ANO6: variants seen among roughly 807,000 people sequenced by gnomAD.
ANO6 encodes the protein anoctamin-6.
In ANO6, 106 loss-of-function variants were observed where a neutral mutation model predicts 117.5. The observed-to-expected ratio is 0.90, with a 90% CI of 0.77 to 1.06. The LOEUF (loss-of-function observed/expected upper bound fraction) is 1.06. Among genes scored for constraint, ANO6 ranks in the 50% least tolerant of loss-of-function variants. ANO6 has a pLI of 0.00. For synonymous variants in ANO6, 367 were observed against 385.1 expected, an observed-to-expected ratio of 0.95 and a Z score of 0.55; for missense variants, 955 against 1,121.1, an observed-to-expected ratio of 0.85 and a Z score of 2.12.
At chr12:45,265,928 A>T (rs548911229) in intron 1 of ANO6, among the ~76,000 whole-genome samples, 1 of 152,234 alleles carries the variant, frequency 6.6e-6, no homozygotes, top group Admixed American at 6.5e-5. Flanking sequence ...CACTGTTAGG[A>T]TCTTAGGGAC....
intron 1 of ANO6, among the ~76,000 whole-genome samples, chr12:45,257,242 A>C (rs1937866774): frequency 6.6e-6 from 1 of 151,982 alleles, no homozygotes; most frequent in African/African-American, 2.4e-5. Flanking sequence ...TCTCATTCAC[A>C]CTTGCAGTTT....
At chr12:45,386,890 T>A (rs7302635) in intron 10 of ANO6, among the ~76,000 whole-genome samples, 12,139 of 152,290 alleles carry the variant, frequency 0.08, 774 homozygotes, top group African/African-American at 0.17. Flanking sequence ...GACTCATCAC[T>A]GTGGTCCCCT....
intron 6 of ANO6, 149 bp downstream of exon 6, chr12:45,348,780 A>G (rs1478518037): frequency 1.4e-6 from 1 of 707,478 alleles, no homozygotes; most frequent in African/African-American, 1.8e-5. Flanking sequence ...TAGGGTAAGA[A>G]CTAGGTCTTT....
chr12:45,238,460 GT>G (rs139840310), intron 1 of ANO6, among the ~76,000 whole-genome samples: 2,849 of 152,070 alleles, frequency 0.019, 53 homozygotes, highest in East Asian at 0.068. Context: ...TGATGGTAGG[GT>G]TTTCTAAATA....
At chr12:45,354,985 A>G (rs1268731988) in intron 7 of ANO6, among the ~76,000 whole-genome samples, 1 of 152,120 alleles carries the variant, frequency 6.6e-6, no homozygotes, top group African/African-American at 2.4e-5. Context: ...AAAAATCAAT[A>G]AACAGCACTT....
At chr12:45,377,265 T>C (rs1354165750) in intron 9 of ANO6, among the ~76,000 whole-genome samples, 1 of 152,244 alleles carries the variant, frequency 6.6e-6, no homozygotes, top group East Asian at 1.9e-4. Flanking sequence ...TTTTAGGAAA[T>C]GTAAAAATGC....
intron 1 of ANO6, among the ~76,000 whole-genome samples, chr12:45,247,207 G>A (rs144236932): frequency 4.6e-5 from 7 of 152,276 alleles, no homozygotes; most frequent in African/African-American, 1.4e-4. Flanking sequence ...AATTACAGGC[G>A]TGAGCCACCA....
At chr12:45,345,685 A>G (rs1178451830) in intron 3 of ANO6, among the ~76,000 whole-genome samples, 3 of 152,198 alleles carry the variant, frequency 2.0e-5, no homozygotes, top group Non-Finnish European at 2.9e-5. Flanking sequence ...TCTTAGTTCT[A>G]CAGATGAAGA....
At chr12:45,420,946 A>AC in intron 17 of ANO6, 125 bp from the exon 18 acceptor site, 1 of 1,028,338 alleles carries the variant, frequency 9.7e-7, no homozygotes, top group Admixed American at 1.9e-5. Flanking sequence ...AATTTTTTGA[A>AC]CCCAAGAGGT....
intron 1 of ANO6, among the ~76,000 whole-genome samples, chr12:45,266,497 A>G (rs1938220051): frequency 6.6e-6 from 1 of 152,130 alleles, no homozygotes; most frequent in Admixed American, 6.5e-5. Context: ...TCTTTTTTTA[A>G]AAAATTGAAT....
chr12:45,227,399 C>T (rs888518778), intron 1 of ANO6, among the ~76,000 whole-genome samples: 2 of 152,196 alleles, frequency 1.3e-5, no homozygotes, highest in Non-Finnish European at 2.9e-5. Flanking sequence ...GTCTTACGGT[C>T]AGATGACCTC....
At chr12:45,352,865 T>A (rs1941317848) in intron 7 of ANO6, among the ~76,000 whole-genome samples, 1 of 152,132 alleles carries the variant, frequency 6.6e-6, no homozygotes, top group Non-Finnish European at 1.5e-5. Flanking sequence ...TAATACAATC[T>A]CTCAAATTTC....
intron 1 of ANO6, among the ~76,000 whole-genome samples, chr12:45,225,128 C>T (rs1316293913): frequency 1.4e-5 from 2 of 146,736 alleles, no homozygotes; most frequent in African/African-American, 2.6e-5. Flanking sequence ...GCCAAGGCTG[C>T]AGTGAGCTGT....
intron 1 of ANO6, among the ~76,000 whole-genome samples, chr12:45,219,246 A>C (rs1947360612): frequency 6.6e-6 from 1 of 152,146 alleles, no homozygotes; most frequent in Non-Finnish European, 1.5e-5. Context: ...TGCTTTATGT[A>C]TGTATATGGA....
At chr12:45,415,287 T>C (rs1943186856) in intron 16 of ANO6, among the ~76,000 whole-genome samples, 1 of 152,228 alleles carries the variant, frequency 6.6e-6, no homozygotes, top group Admixed American at 6.5e-5. Context: ...AAATAGTTTA[T>C]GCTTTTGTTG....
intron 1 of ANO6, among the ~76,000 whole-genome samples, chr12:45,264,456 T>A (rs1221539204): frequency 6.6e-6 from 1 of 152,228 alleles, no homozygotes; most frequent in Non-Finnish European, 1.5e-5. Flanking sequence ...TATGTCTTAT[T>A]TAGTCCCTTT....
chr12:45,387,576 T>G (rs1942332540), intron 10 of ANO6, among the ~76,000 whole-genome samples: 1 of 152,246 alleles, frequency 6.6e-6, no homozygotes, highest in Non-Finnish European at 1.5e-5. Flanking sequence ...TCACATTGCC[T>G]TTCCCAGCAT....
intron 19 of ANO6, among the ~76,000 whole-genome samples, chr12:45,424,847 T>A (rs761027929): frequency 1.6e-4 from 25 of 152,150 alleles, no homozygotes; most frequent in Non-Finnish European, 2.5e-4. Context: ...TAGAAAGAAG[T>A]GTGTATCTTC....
At chr12:45,301,270 T>C (rs1022549364) in intron 1 of ANO6, among the ~76,000 whole-genome samples, 5 of 152,060 alleles carry the variant, frequency 3.3e-5, no homozygotes, top group African/African-American at 1.2e-4. Flanking sequence ...TACTAGTAAA[T>C]TCTATCTGGC....
Sources: allele counts gnomAD v4.1 joint callset (sites outside exome capture counted in the v4.1 genomes callset), GRCh38; gene constraint gnomAD v4.1.1; transcripts MANE v1.5; gene names NCBI Gene and HGNC (gene_info 2026-07-23, HGNC 2026-07-21).